The following RIMS2 variants were observed in gnomAD, a reference collection of about 807,000 sequenced individuals.
RIMS2 encodes the protein regulating synaptic membrane exocytosis protein 2.
Under a neutral mutation model 174.4 loss-of-function variants are expected in RIMS2, and 59 were observed. That is an observed-to-expected ratio of 0.34 (90% CI 0.27 to 0.42). RIMS2 has a LOEUF of 0.42. RIMS2 is among the 10% of genes least tolerant of loss of function. RIMS2 has a pLI of 1.00. For synonymous variants in RIMS2, 606 were observed against 572.5 expected (o/e 1.06, Z -0.84); for missense variants, 1,620 against 1,666.3 (o/e 0.97, Z 0.48).
chr8:103,711,576 C>T (rs1163859132), intron 2 of RIMS2, among the ~76,000 whole-genome samples: 2 of 152,040 alleles, frequency 1.3e-5, no homozygotes, highest in African/African-American at 4.8e-5. Flanking sequence ...CGTGTATAAG[C>T]TAAATATGCA....
At chr8:103,901,420 A>C (rs879773591) in intron 4 of RIMS2, among the ~76,000 whole-genome samples, 1 of 152,088 alleles carries the variant, frequency 6.6e-6, no homozygotes, top group Non-Finnish European at 1.5e-5. Context: ...GACATTGAGA[A>C]TTTTACTTTC....
intron 1 of RIMS2, among the ~76,000 whole-genome samples, chr8:103,674,297 T>C (rs567601691): frequency 6.6e-6 from 1 of 152,296 alleles, no homozygotes; most frequent in South Asian, 2.1e-4. Flanking sequence ...AGTTCCCAAG[T>C]TGCTTCCTCA....
At chr8:103,605,707 C>G (rs1049993457) in intron 1 of RIMS2, among the ~76,000 whole-genome samples, 2 of 152,156 alleles carry the variant, frequency 1.3e-5, no homozygotes, top group African/African-American at 4.8e-5. Flanking sequence ...AGAGATTCAA[C>G]TTCTTCCTGG....
rs377258822 is a variant in RIMS2 at position 104,087,641 on chromosome 8, G to A, written c.3334+73026G>A. Among the ~76,000 whole-genome samples the A allele has an allele frequency of 3.9e-5, 6 of 152,070 alleles. No individual in the cohort carries two copies. In the East Asian group the frequency reaches 5.8e-4, roughly 15 times the overall value. ...TTCTGACTCCAGCTATCACAAAGGC[G>A]ACCTCATAAGGTTTGGGAGAACTAA... On this transcript the variant is annotated intron_variant, in intron 19 of 23. Transcript: ENST00000504942.
intron 3 of RIMS2, among the ~76,000 whole-genome samples, chr8:103,852,234 A>G (rs2099002640): frequency 6.6e-6 from 1 of 152,026 alleles, no homozygotes; most frequent in South Asian, 2.1e-4. Flanking sequence ...GCTAGTGACA[A>G]AAGAAAATAG....
intron 19 of RIMS2, among the ~76,000 whole-genome samples, chr8:104,243,457 CGGGCAAA>C (rs1563964269): frequency 4.6e-5 from 7 of 152,080 alleles, no homozygotes; most frequent in African/African-American, 1.4e-4. Context: ...GAGGCCAAGG[CGGGCAAA>C]TGACAAGGTC....
intron 1 of RIMS2, among the ~76,000 whole-genome samples, chr8:103,644,626 AAGG>A (rs2096290141): frequency 6.6e-6 from 1 of 151,676 alleles, no homozygotes. Context: ...ATATTGGCAA[AAGG>A]AGAAGAATAA....
At chr8:103,573,510 C>T (rs1006709455) in intron 1 of RIMS2, among the ~76,000 whole-genome samples, 1 of 152,070 alleles carries the variant, frequency 6.6e-6, no homozygotes, top group African/African-American at 2.4e-5. Context: ...TGTTGACTGT[C>T]TAAGATCATT....
intron 19 of RIMS2, among the ~76,000 whole-genome samples, chr8:104,171,502 TTA>T (rs57243948): frequency 0.81 from 122,105 of 151,318 alleles, 49,747 homozygotes; most frequent in East Asian, 1. Flanking sequence ...ATTTTTTTTG[TTA>T]TATATATATA....
intron 1 of RIMS2, among the ~76,000 whole-genome samples, chr8:103,630,716 CA>C (rs1308224569): frequency 6.6e-6 from 1 of 151,330 alleles, no homozygotes; most frequent in Non-Finnish European, 1.5e-5. Context: ...AGAGATGTGC[CA>C]AAAACAGTAT....
intron 19 of RIMS2, among the ~76,000 whole-genome samples, chr8:104,171,425 T>A (rs1267081040): frequency 6.6e-6 from 1 of 152,058 alleles, no homozygotes; most frequent in Non-Finnish European, 1.5e-5. Context: ...CTTGTTCTAT[T>A]GCTGAAACTT....
chr8:103,564,201 T>G (rs1196535060), intron 1 of RIMS2, among the ~76,000 whole-genome samples: 2 of 152,172 alleles, frequency 1.3e-5, no homozygotes, highest in Non-Finnish European at 1.5e-5. Context: ...CCAAAGTGTG[T>G]TTATTTGAAA....
At chr8:104,057,370 A>G (rs552604661) in intron 19 of RIMS2, among the ~76,000 whole-genome samples, 1 of 152,056 alleles carries the variant, frequency 6.6e-6, no homozygotes, top group East Asian at 1.9e-4. Context: ...ACACGGCTAT[A>G]TCCTGATTTT....
intron 2 of RIMS2, among the ~76,000 whole-genome samples, chr8:103,748,418 A>G (rs546553218): frequency 1.2e-4 from 19 of 152,242 alleles, no homozygotes; most frequent in Admixed American, 8.5e-4. Flanking sequence ...TCTGCACTCC[A>G]GCCTGAGCAA....
intron 19 of RIMS2, among the ~76,000 whole-genome samples, chr8:104,074,400 GT>G: frequency 6.6e-6 from 1 of 152,192 alleles, no homozygotes; most frequent in South Asian, 2.1e-4. Flanking sequence ...TATATAAATT[GT>G]TTAGCACCTA....
intron 4 of RIMS2, among the ~76,000 whole-genome samples, chr8:103,907,660 C>G (rs1197910032): frequency 6.6e-6 from 1 of 151,978 alleles, no homozygotes; most frequent in Admixed American, 6.6e-5. Flanking sequence ...ATCTCACATA[C>G]TCCTGTCTAT....
chr8:104,235,190 A>G (rs2099251935), intron 19 of RIMS2, among the ~76,000 whole-genome samples: 2 of 152,148 alleles, frequency 1.3e-5, no homozygotes, highest in African/African-American at 4.8e-5. Flanking sequence ...TTATTTGGAC[A>G]TGCAAGGAGA....
At chr8:104,216,081 C>T (rs973826382) in intron 19 of RIMS2, among the ~76,000 whole-genome samples, 7 of 152,162 alleles carry the variant, frequency 4.6e-5, no homozygotes, top group Non-Finnish European at 7.3e-5. Context: ...TATATATTTC[C>T]TATCTTGTCT....
At chr8:103,830,613 A>G (rs1211024680) in intron 3 of RIMS2, among the ~76,000 whole-genome samples, 1 of 152,160 alleles carries the variant, frequency 6.6e-6, no homozygotes, top group Non-Finnish European at 1.5e-5. Context: ...ATAAATGTCA[A>G]TTATGTCATG....
Sources: allele counts gnomAD v4.1 joint callset (sites outside exome capture counted in the v4.1 genomes callset), GRCh38; gene constraint gnomAD v4.1.1; transcripts MANE v1.5; gene names NCBI Gene and HGNC (gene_info 2026-07-23, HGNC 2026-07-21).